The following ZNF385D variants were observed in gnomAD, a reference collection of about 807,000 sequenced individuals.
ZNF385D encodes zinc finger protein 385D.
Under a neutral mutation model 35.8 loss-of-function variants are expected in ZNF385D, and 15 were observed. The observed-to-expected ratio is 0.42, with a 90% CI of 0.28 to 0.64. ZNF385D has a LOEUF of 0.64. Ranked by LOEUF, ZNF385D falls within the 30% of genes least tolerant of loss-of-function variation. ZNF385D has a pLI of 0.23. For missense variants in ZNF385D, 474 were observed against 494.6 expected, an observed-to-expected ratio of 0.96 and a Z score of 0.39; for synonymous variants, 212 against 186.8, an observed-to-expected ratio of 1.13 and a Z score of -1.10.
At chr3:21,524,695 G>A (rs1448993533) in intron 3 of ZNF385D, among the ~76,000 whole-genome samples, 1 of 152,162 alleles carries the variant, frequency 6.6e-6, no homozygotes, top group East Asian at 1.9e-4. Flanking sequence ...GAAGGCTACA[G>A]TGAGTTGTCC....
chr3:21,843,113 G>C (rs1221857210), intron 3 of ZNF385D, among the ~76,000 whole-genome samples: 2 of 152,028 alleles, frequency 1.3e-5, no homozygotes, highest in East Asian at 1.9e-4. Context: ...GTAGTTCTTA[G>C]ATAATTGCAA....
intron 2 of ZNF385D, among the ~76,000 whole-genome samples, chr3:22,292,683 G>A (rs575958665): frequency 2.0e-5 from 3 of 152,106 alleles, no homozygotes; most frequent in Non-Finnish European, 4.4e-5. Flanking sequence ...TAGTGGCATG[G>A]AGTTTTATTT....
intron 4 of ZNF385D, among the ~76,000 whole-genome samples, chr3:21,499,829 A>G (rs544466109): frequency 6.6e-6 from 1 of 152,252 alleles, no homozygotes; most frequent in South Asian, 2.1e-4. Flanking sequence ...CTACCCCACA[A>G]ACTCAGTCAT....
intron 3 of ZNF385D, among the ~76,000 whole-genome samples, chr3:21,794,148 A>T (rs1447915221): frequency 6.6e-6 from 1 of 152,100 alleles, no homozygotes; most frequent in Non-Finnish European, 1.5e-5. Flanking sequence ...TCTTTTCGTG[A>T]CCAAGGAAGG....
intron 3 of ZNF385D, among the ~76,000 whole-genome samples, chr3:22,159,284 A>G (rs1209833336): frequency 1.3e-5 from 2 of 152,128 alleles, no homozygotes; most frequent in African/African-American, 4.8e-5. Context: ...CAAATAGATT[A>G]TATTTCCAAG....
At chr3:22,290,031 G>A (rs769150100) in intron 2 of ZNF385D, among the ~76,000 whole-genome samples, 10 of 152,148 alleles carry the variant, frequency 6.6e-5, no homozygotes, top group Non-Finnish European at 8.8e-5. Context: ...CTTGAGAGAA[G>A]TCCCTGGAAG....
At chr3:22,226,287 G>T (rs958606832) in intron 2 of ZNF385D, among the ~76,000 whole-genome samples, 6 of 151,928 alleles carry the variant, frequency 3.9e-5, no homozygotes, top group Admixed American at 3.3e-4. Flanking sequence ...AGAGATAAAC[G>T]CACTTGGATG....
chr3:22,202,804 G>C (rs114778426), intron 2 of ZNF385D, among the ~76,000 whole-genome samples: 2,666 of 152,208 alleles, frequency 0.018, 72 homozygotes, highest in African/African-American at 0.059. Context: ...TCCCAGCACT[G>C]AGCAGAGCTC....
intron 3 of ZNF385D, among the ~76,000 whole-genome samples, chr3:21,890,879 C>T (rs556361731): frequency 3.7e-4 from 57 of 152,262 alleles, no homozygotes; most frequent in African/African-American, 1.4e-3. Flanking sequence ...TTTCAAACCA[C>T]ATTGGTTGTA....
chr3:21,871,704 C>T (rs1042033353), intron 3 of ZNF385D, among the ~76,000 whole-genome samples: 5 of 152,036 alleles, frequency 3.3e-5, no homozygotes, highest in East Asian at 1.9e-4. Flanking sequence ...AACTTAGGAA[C>T]AGTTTTAAAA....
At chr3:21,540,480 T>G (rs1227636249) in intron 3 of ZNF385D, among the ~76,000 whole-genome samples, 4 of 152,174 alleles carry the variant, frequency 2.6e-5, no homozygotes, top group Non-Finnish European at 1.5e-5. Flanking sequence ...TCAAGAGTGA[T>G]TGATGGTTGG....
chr3:22,282,558 G>A (rs189909503), intron 2 of ZNF385D, among the ~76,000 whole-genome samples: 36 of 152,084 alleles, frequency 2.4e-4, no homozygotes, highest in African/African-American at 8.7e-4. Flanking sequence ...TCCTTTTGGA[G>A]TTGATTTCCA....
intron 3 of ZNF385D, among the ~76,000 whole-genome samples, chr3:22,081,403 T>C (rs148263126): frequency 2.9e-4 from 44 of 152,328 alleles, no homozygotes; most frequent in African/African-American, 7.7e-4. Context: ...ATTATCTAAT[T>C]TGTAAGTTTA....
intron 4 of ZNF385D, among the ~76,000 whole-genome samples, chr3:21,495,225 G>C (rs1457788202): frequency 6.6e-6 from 1 of 151,186 alleles, no homozygotes; most frequent in Non-Finnish European, 1.5e-5. Flanking sequence ...GGGTAAGAAT[G>C]ATTTTTTTTT....
At chr3:22,170,570 ACT>A (rs1327651336) in intron 2 of ZNF385D, among the ~76,000 whole-genome samples, 3 of 152,158 alleles carry the variant, frequency 2.0e-5, no homozygotes, top group Non-Finnish European at 2.9e-5. Context: ...TAAAAAGGAA[ACT>A]CTATCTCTCT....
intron 2 of ZNF385D, among the ~76,000 whole-genome samples, chr3:22,290,432 C>A (rs968069088): frequency 6.6e-6 from 1 of 152,116 alleles, no homozygotes; most frequent in Non-Finnish European, 1.5e-5. Context: ...AGAAATGTAG[C>A]CACACCACAA....
chr3:22,356,328 T>C (rs1330710875), intron 2 of ZNF385D, among the ~76,000 whole-genome samples: 1 of 152,012 alleles, frequency 6.6e-6, no homozygotes, highest in Non-Finnish European at 1.5e-5. Flanking sequence ...AAGTTTTGTA[T>C]ATGCTGTTGT....
At chr3:21,694,365 GC>G (rs1465540867) in intron 1 of ZNF385D, among the ~76,000 whole-genome samples, 3 of 152,038 alleles carry the variant, frequency 2.0e-5, no homozygotes, top group Non-Finnish European at 4.4e-5. Flanking sequence ...ACCTCCTGAT[GC>G]AAGAAGGGCT....
chr3:22,015,069 T>A (rs1696802456), intron 3 of ZNF385D, among the ~76,000 whole-genome samples: 1 of 152,124 alleles, frequency 6.6e-6, no homozygotes, highest in African/African-American at 2.4e-5. Flanking sequence ...TATACACAGC[T>A]GTGGCCATAG....
Sources: allele counts gnomAD v4.1 joint callset (sites outside exome capture counted in the v4.1 genomes callset), GRCh38; gene constraint gnomAD v4.1.1; transcripts MANE v1.5; gene names NCBI Gene and HGNC (gene_info 2026-07-23, HGNC 2026-07-21).